LARGE1: variants seen among roughly 807,000 people sequenced by gnomAD.
The protein encoded by LARGE1 is xylosyl- and glucuronyltransferase LARGE1.
A neutral mutation model predicts 87.6 loss-of-function variants in LARGE1; 43 were observed. The ratio of observed to expected loss-of-function variants is 0.49; its 90% CI spans 0.38 to 0.63. The LOEUF is 0.63. Ranked by LOEUF, LARGE1 falls within the 30% of genes least tolerant of loss-of-function variation. The probability of loss-of-function intolerance (pLI) is 0.00; values close to 1 mark genes in which losing one functional copy is unlikely to be tolerated. For synonymous variants in LARGE1, 434 were observed against 394.6 expected, an observed-to-expected ratio of 1.10 and a Z score of -1.18; for missense variants, 802 against 1,000.2, an observed-to-expected ratio of 0.80 and a Z score of 2.67.
intron 7 of LARGE1, among the ~76,000 whole-genome samples, chr22:33,406,981 C>T (rs1186698570): frequency 8.6e-5 from 13 of 151,872 alleles, no homozygotes; most frequent in African/African-American, 1.2e-4. Context: ...TTAGCAGAGA[C>T]GGGGTTTCAC....
At position 33,536,142 on chromosome 22, in the gene LARGE1, T is replaced by A. The variant is rs930695776; in HGVS notation, c.787+28706A>T. On this transcript the variant is annotated intron_variant, in intron 6 of 14. Coordinates refer to ENST00000397394, the MANE Select transcript of LARGE1 (RefSeq NM_133642.5). ...GAAAGCCAAAATAATTTGGGTCATT[T>A]TGTTTGGAAAGAGAAGGCTGGAGAA... Among the ~76,000 whole-genome samples, 13 of 152,298 alleles carry A rather than the reference T, an allele frequency of 8.5e-5. 1 individual carries two copies. Among genetic ancestry groups the A allele is most frequent in the Middle Eastern group, 6.8e-3 (2 of 294 alleles).
intron 11 of LARGE1, among the ~76,000 whole-genome samples, chr22:33,267,424 T>C (rs1384426140): frequency 6.6e-6 from 1 of 151,706 alleles, no homozygotes; most frequent in Non-Finnish European, 1.5e-5. Context: ...CAGGATTACA[T>C]CAAAGTCTTC....
At chr22:33,372,369 T>C (rs2064841971) in intron 9 of LARGE1, among the ~76,000 whole-genome samples, 1 of 152,198 alleles carries the variant, frequency 6.6e-6, no homozygotes, top group African/African-American at 2.4e-5. Context: ...CAAAGTGTAT[T>C]AATCCATTTT....
At chr22:33,220,962 C>G (rs762487611) in intron 11 of LARGE1, among the ~76,000 whole-genome samples, 2 of 152,086 alleles carry the variant, frequency 1.3e-5, no homozygotes, top group African/African-American at 2.4e-5. Context: ...CCCTCTCTTT[C>G]TCACTCCCAC....
rs571429289 is a variant in LARGE1 at position 33,233,261 on chromosome 22, C to T, written c.1731-66429G>A. Among the ~76,000 whole-genome samples the T allele has an allele frequency of 7.2e-5, 11 of 151,826 alleles. No individual in the cohort carries two copies. The South Asian group carries it at 1.9e-3, about 26-fold the overall frequency. ...TTGTCTAAGTCAGGTTGTTAGCAGC[C>T]TAGGTGGTGGTGGTGTTAGTGATGA... On this transcript the variant is annotated intron_variant, in intron 11 of 11. Transcript: ENST00000608642.
At chr22:33,844,656 G>C (rs1176794393) in intron 1 of LARGE1, among the ~76,000 whole-genome samples, 1 of 151,922 alleles carries the variant, frequency 6.6e-6, no homozygotes, top group Non-Finnish European at 1.5e-5. Context: ...TGCGAACTTG[G>C]GTATATCACC....
chr22:33,179,600 C>G (rs1923057281), intron 11 of LARGE1, among the ~76,000 whole-genome samples: 2 of 152,106 alleles, frequency 1.3e-5, no homozygotes, highest in Non-Finnish European at 2.9e-5. Flanking sequence ...ATTGTGGCAT[C>G]CTGGTAGCTC....
chr22:33,660,185 T>C (rs2081083485), intron 2 of LARGE1, among the ~76,000 whole-genome samples: 1 of 151,662 alleles, frequency 6.6e-6, no homozygotes, highest in Non-Finnish European at 1.5e-5. Context: ...CAACCATGTC[T>C]TCCTGCTTCT....
chr22:33,420,181 G>C (rs532682038), intron 7 of LARGE1, among the ~76,000 whole-genome samples: 2 of 152,102 alleles, frequency 1.3e-5, no homozygotes, highest in African/African-American at 4.8e-5. Context: ...CACTGTCTTC[G>C]AAACACTTAT....
chr22:33,333,880 A>C (rs998048163), intron 10 of LARGE1, among the ~76,000 whole-genome samples: 2 of 152,130 alleles, frequency 1.3e-5, no homozygotes, highest in Non-Finnish European at 2.9e-5. Context: ...GCACTTTGGG[A>C]GGCTGAGGTG....
chr22:33,686,305 C>G (rs148607547), intron 2 of LARGE1, among the ~76,000 whole-genome samples: 1 of 151,764 alleles, frequency 6.6e-6, no homozygotes, highest in Admixed American at 6.6e-5. Flanking sequence ...ACTAACAACC[C>G]CTGGTTCGAA....
chr22:33,760,819 T>A (rs1015756837), intron 2 of LARGE1, among the ~76,000 whole-genome samples: 1 of 150,630 alleles, frequency 6.6e-6, no homozygotes, highest in Non-Finnish European at 1.5e-5. Flanking sequence ...ACTTGGGAGG[T>A]TGAGGCAGGA....
intron 6 of LARGE1, among the ~76,000 whole-genome samples, chr22:33,450,528 G>C (rs1453384237): frequency 1.3e-5 from 2 of 151,798 alleles, no homozygotes; most frequent in Admixed American, 1.3e-4. Flanking sequence ...CAGGAGAATC[G>C]CTGGAACCCA....
rs200095167 is a variant in LARGE1, at chr22:33,850,192, G to A, written c.-83+69803C>T. ...TCTGGACTGAGGATCAGAAGATCTC[G>A]GGCCACACCCAGGCCCTACCACCAG... On this transcript the variant is annotated intron_variant, in intron 1 of 14. Transcript: ENST00000397394. Among the ~76,000 whole-genome samples, 11 of 152,218 alleles carry A rather than the reference G, an allele frequency of 7.2e-5. No individual in the cohort carries two copies. The East Asian group carries it at 1.7e-3, about 24-fold the overall frequency.
intron 1 of LARGE1, among the ~76,000 whole-genome samples, chr22:33,881,745 C>T (rs554271148): frequency 3.3e-5 from 5 of 152,250 alleles, no homozygotes; most frequent in African/African-American, 7.2e-5. Flanking sequence ...TTAAGCCTTG[C>T]GGTTTCAGGA....
chr22:33,744,254 A>G (rs2083996875), intron 2 of LARGE1: 1 of 152,346 alleles, frequency 6.6e-6, no homozygotes, highest in African/African-American at 2.4e-5. Context: ...ACTTTCAAAT[A>G]CATCTGTGAG....
At chr22:33,818,410 G>A (rs948106826) in intron 1 of LARGE1, among the ~76,000 whole-genome samples, 4 of 152,086 alleles carry the variant, frequency 2.6e-5, no homozygotes, top group Non-Finnish European at 2.9e-5. Flanking sequence ...AATATTTTCT[G>A]AATAAATATA....
In LARGE1 at chr22:33,384,294, C is replaced by A. The variant is rs765799153; in HGVS notation, c.903G>T (p.Leu301=). 1 of 1,613,440 alleles carries A rather than the reference C, an allele frequency of 6.2e-7. No homozygotes were observed. Among genetic ancestry groups the A allele is most frequent in the South Asian group, 1.1e-5 (1 of 91,032 alleles). Residue 301 remains leucine, a synonymous_variant, in exon 8 of 15, where the codon CTG becomes CTT. Coordinates refer to ENST00000397394, the MANE Select transcript of LARGE1 (RefSeq NM_133642.5). ...LGRGYNTGVI[L]LLLDKLRKMK... is the part of the protein sequence containing the mutation. ...TCTTCCGCAGCTTATCCAGAAGTAACAGGATCACCCCTGGGCAACAGCACA... is the reference window on the plus strand; with the variant it reads ...TCTTCCGCAGCTTATCCAGAAGTAAAAGGATCACCCCTGGGCAACAGCACA...
intron 5 of LARGE1, among the ~76,000 whole-genome samples, chr22:33,578,532 T>C (rs1342899588): frequency 6.6e-6 from 1 of 152,190 alleles, no homozygotes; most frequent in African/African-American, 2.4e-5. Flanking sequence ...CAATCGCATT[T>C]GTTGAATGCT....
Sources: allele counts gnomAD v4.1 joint callset (sites outside exome capture counted in the v4.1 genomes callset), GRCh38; gene constraint gnomAD v4.1.1; transcripts MANE v1.5; gene names NCBI Gene and HGNC (gene_info 2026-07-23, HGNC 2026-07-21).